The following GMDS variants were observed in gnomAD, a reference collection of about 807,000 sequenced individuals.
GMDS encodes the protein GDP-mannose 4,6-dehydratase.
GMDS carries 20 observed loss-of-function variants against 49.9 expected under a neutral mutation model. That is an observed-to-expected ratio of 0.40 (90% CI 0.28 to 0.58). GMDS has a LOEUF of 0.58. Among genes scored for constraint, GMDS ranks in the 20% least tolerant of loss-of-function variants. GMDS has a pLI of 0.42. For synonymous variants in GMDS, 177 were observed against 178.6 expected, an observed-to-expected ratio of 0.99 and a Z score of 0.07; for missense variants, 362 against 481.4, an observed-to-expected ratio of 0.75 and a Z score of 2.32.
rs183841860 is a variant in GMDS, at chr6:2,149,955, A to G, written c.103-25224T>C. ...AATTACCTTATATCCTGGAAATAAC[A>G]GAAAAATTTTAAAAGACCCTCTATT... On this transcript the variant is annotated intron_variant, in intron 1 of 10. Coordinates refer to ENST00000380815, the MANE Select transcript of GMDS (RefSeq NM_001500.4). Among the ~76,000 whole-genome samples the G allele has an allele frequency of 2.0e-4, 31 of 152,310 alleles. No individual in the cohort carries two copies. In the East Asian group the frequency reaches 4.1e-3, roughly 20 times the overall value.
intron 4 of GMDS, among the ~76,000 whole-genome samples, chr6:2,110,656 G>A (rs955525281): frequency 1.3e-5 from 2 of 152,142 alleles, no homozygotes; most frequent in African/African-American, 4.8e-5. Context: ...AACTCTGTGA[G>A]GAAATCTCAG....
chr6:2,211,292 T>C (rs532331061), intron 1 of GMDS, among the ~76,000 whole-genome samples: 3 of 152,304 alleles, frequency 2.0e-5, no homozygotes, highest in Admixed American at 6.5e-5. Context: ...CACACGTACT[T>C]GACGTCTGGG....
intron 9 of GMDS, among the ~76,000 whole-genome samples, chr6:1,714,896 G>A (rs1032489317): frequency 2.8e-4 from 42 of 152,254 alleles, no homozygotes; most frequent in African/African-American, 1.0e-3. Context: ...GGTGGAGCCG[G>A]GCTGCAGTGG....
At chr6:1,953,550 G>C (rs1763470543) in intron 6 of GMDS, among the ~76,000 whole-genome samples, 1 of 152,104 alleles carries the variant, frequency 6.6e-6, no homozygotes, top group African/African-American at 2.4e-5. Context: ...CACCATATTT[G>C]TATTTATGGC....
At chr6:1,843,945 TG>T (rs1389119917) in intron 7 of GMDS, among the ~76,000 whole-genome samples, 1 of 152,118 alleles carries the variant, frequency 6.6e-6, no homozygotes, top group African/African-American at 2.4e-5. Context: ...AGGAGAGCTG[TG>T]GTGTCGGCTT....
intron 7 of GMDS, among the ~76,000 whole-genome samples, chr6:1,759,506 T>C (rs10484696): frequency 0.072 from 10,974 of 152,244 alleles, 510 homozygotes; most frequent in East Asian, 0.14. Flanking sequence ...CAATTCTACG[T>C]GCTGGTTACA....
chr6:2,037,596 T>G (rs527785140), intron 4 of GMDS, among the ~76,000 whole-genome samples: 14 of 152,334 alleles, frequency 9.2e-5, no homozygotes, highest in African/African-American at 3.4e-4. Context: ...ACATCGGTGA[T>G]GGCATCAATG....
At chr6:1,914,120 G>GTTT (rs1198007340) in intron 7 of GMDS, among the ~76,000 whole-genome samples, 2 of 110,304 alleles carry the variant, frequency 1.8e-5, no homozygotes, top group African/African-American at 7.6e-5. Flanking sequence ...TCATGAAAGC[G>GTTT]TTTTTTGTTT....
At chr6:1,761,514 T>C (rs999066601) in intron 7 of GMDS, among the ~76,000 whole-genome samples, 1 of 152,224 alleles carries the variant, frequency 6.6e-6, no homozygotes, top group Non-Finnish European at 1.5e-5. Context: ...CCATAAGTAA[T>C]GTCATTTACG....
intron 4 of GMDS, among the ~76,000 whole-genome samples, chr6:2,067,873 T>C (rs9503089): frequency 1 from 151,304 of 151,652 alleles, 75,481 homozygotes; most frequent in Middle Eastern, 1. Flanking sequence ...TGAAACTATT[T>C]CAATCAATAG....
At chr6:1,970,675 G>C (rs1368484122) in intron 4 of GMDS, among the ~76,000 whole-genome samples, 3 of 152,124 alleles carry the variant, frequency 2.0e-5, no homozygotes, top group African/African-American at 7.2e-5. Context: ...GATTAAGAAA[G>C]GCATCCTGAG....
At chr6:2,202,656 A>G (rs1233632492) in intron 1 of GMDS, among the ~76,000 whole-genome samples, 1 of 152,112 alleles carries the variant, frequency 6.6e-6, no homozygotes, top group Non-Finnish European at 1.5e-5. Context: ...CTCGTGGCCT[A>G]TGTCCTGGCA....
intron 4 of GMDS, among the ~76,000 whole-genome samples, chr6:1,988,355 TA>T (rs5873826): frequency 0.99 from 148,633 of 150,014 alleles, 73,634 homozygotes; most frequent in East Asian, 1. Flanking sequence ...ATATACAAGT[TA>T]AAAAAAAAAA....
chr6:1,748,667 T>C (rs1045495572), intron 7 of GMDS, among the ~76,000 whole-genome samples: 19 of 152,238 alleles, frequency 1.2e-4, no homozygotes, highest in Non-Finnish European at 2.5e-4. Context: ...GTTTCTCTGC[T>C]GTTGCAGCAC....
At position 2,191,238 on chromosome 6, in the gene GMDS, T is replaced by C. The variant is rs1414417670; in HGVS notation, c.102+54083A>G. 2.6e-5 allele frequency among the ~76,000 whole-genome samples: 4 copies of C among 152,120 alleles called. No homozygotes were observed. The highest frequency in any genetic ancestry group is 2.6e-4 in the Admixed American group (4 of 15,286). The stretch of plus-strand genomic sequence containing the variant: ...ACACTCCCGACCCGCTATCCGCTCC[T>C]GGAGGCACCCCCTGGGGAAGGGCCG... On this transcript the variant is annotated intron_variant, in intron 1 of 10. Transcript: ENST00000380815. The surrounding 1 kb of genome is among the most constrained non-coding windows in gnomAD (Gnocchi z 4.6).
At chr6:2,208,045 T>C (rs918214147) in intron 1 of GMDS, among the ~76,000 whole-genome samples, 3 of 151,900 alleles carry the variant, frequency 2.0e-5, no homozygotes, top group African/African-American at 7.3e-5. Context: ...GTTTTACTTA[T>C]AAGGTCATGA....
chr6:1,869,284 T>C (rs573765128), intron 7 of GMDS, among the ~76,000 whole-genome samples: 1 of 152,318 alleles, frequency 6.6e-6, no homozygotes, highest in East Asian at 1.9e-4. Context: ...CCTTTCTTTG[T>C]TCCTATTTTT....
intron 1 of GMDS, among the ~76,000 whole-genome samples, chr6:2,215,828 T>A (rs1780308700): frequency 6.6e-6 from 1 of 152,192 alleles, no homozygotes; most frequent in Admixed American, 6.5e-5. Flanking sequence ...TTGATAGACA[T>A]CTAATTGTGT....
rs529941515 is a variant in GMDS at position 1,861,743 on chromosome 6, CT to C, written c.771+68359del. Among the ~76,000 whole-genome samples, 16 of 152,296 alleles carry C rather than the reference CT, an allele frequency of 1.1e-4. No homozygotes were observed. In the South Asian group the frequency reaches 3.3e-3, roughly 32 times the overall value. ...GCCTCCTGACCTGGTGTCGTGGCCT[CT>C]TCTGTGGAGAAGCCAACATAAGAGA... On this transcript the variant is annotated intron_variant, in intron 7 of 10. Coordinates refer to ENST00000380815, the MANE Select transcript of GMDS (RefSeq NM_001500.4).
Sources: allele counts gnomAD v4.1 joint callset (sites outside exome capture counted in the v4.1 genomes callset), GRCh38; gene constraint gnomAD v4.1.1; non-coding constraint Gnocchi (gnomAD v3.1); transcripts MANE v1.5; gene names NCBI Gene and HGNC (gene_info 2026-07-23, HGNC 2026-07-21).